Variants in TTC28 observed in about 807,000 individuals in gnomAD.
TTC28 encodes tetratricopeptide repeat domain 28, also known as tetratricopeptide repeat protein 28.
A neutral mutation model predicts 198.0 loss-of-function variants in TTC28; 61 were observed. That is an observed-to-expected ratio of 0.31 (90% CI 0.25 to 0.38). TTC28 has a LOEUF of 0.38. Among genes scored for constraint, TTC28 ranks in the 10% least tolerant of loss-of-function variants. TTC28 has a pLI of 1.00. For missense variants in TTC28, 2,678 were observed against 3,164.0 expected, an observed-to-expected ratio of 0.85 and a Z score of 3.69; for synonymous variants, 1,171 against 1,297.8, an observed-to-expected ratio of 0.90 and a Z score of 2.10.
At chr22:28,594,659 A>G (rs1353819463) in intron 2 of TTC28, among the ~76,000 whole-genome samples, 1 of 151,864 alleles carries the variant, frequency 6.6e-6, no homozygotes, top group African/African-American at 2.4e-5. Context: ...AGGTGCTCCT[A>G]TGTGTATAAC....
intron 13 of TTC28, among the ~76,000 whole-genome samples, chr22:28,015,597 A>AT (rs5844802): frequency 0.38 from 57,404 of 149,862 alleles, 11,521 homozygotes; most frequent in East Asian, 0.5. Context: ...TAATTTGTAA[A>AT]TTTTTTTTTG....
intron 12 of TTC28, among the ~76,000 whole-genome samples, chr22:28,069,156 C>G (rs1288552321): frequency 6.6e-6 from 1 of 152,152 alleles, no homozygotes; most frequent in African/African-American, 2.4e-5. Context: ...TTCTCTTCCT[C>G]AAATAAAATC....
At chr22:28,230,880 T>C (rs1320833682) in intron 5 of TTC28, among the ~76,000 whole-genome samples, 2 of 152,208 alleles carry the variant, frequency 1.3e-5, no homozygotes, top group Non-Finnish European at 1.5e-5. Context: ...CATTACTCAA[T>C]TCTGTGTGTG....
intron 2 of TTC28, among the ~76,000 whole-genome samples, chr22:28,386,440 G>A (rs998709050): frequency 1.3e-5 from 2 of 152,092 alleles, no homozygotes; most frequent in African/African-American, 4.8e-5. Context: ...TTAGTACAGT[G>A]CTGTGCAATC....
chr22:28,586,003 G>C (rs572744174), intron 2 of TTC28, among the ~76,000 whole-genome samples: 1 of 151,770 alleles, frequency 6.6e-6, no homozygotes, highest in Non-Finnish European at 1.5e-5. Context: ...AGAAGAAGCC[G>C]GGTGCGGTGG....
At chr22:28,420,286 G>T (rs1412563030) in intron 2 of TTC28, among the ~76,000 whole-genome samples, 1 of 152,084 alleles carries the variant, frequency 6.6e-6, no homozygotes, top group Non-Finnish European at 1.5e-5. Flanking sequence ...AGTAAAAAAA[G>T]AATTAGTATA....
At chr22:28,188,409 GA>G (rs1924403634) in intron 5 of TTC28, among the ~76,000 whole-genome samples, 1 of 152,140 alleles carries the variant, frequency 6.6e-6, no homozygotes, top group South Asian at 2.1e-4. Flanking sequence ...CAGGACCCTG[GA>G]AAGGAGCAGG....
intron 5 of TTC28, among the ~76,000 whole-genome samples, chr22:28,258,113 G>A (rs76778283): frequency 5.9e-5 from 9 of 152,072 alleles, no homozygotes; most frequent in African/African-American, 2.2e-4. Flanking sequence ...ATACTGAAGT[G>A]GTGAACATTA....
At chr22:28,425,098 T>C (rs2047327696) in intron 2 of TTC28, among the ~76,000 whole-genome samples, 1 of 152,238 alleles carries the variant, frequency 6.6e-6, no homozygotes, top group African/African-American at 2.4e-5. Flanking sequence ...AACACAGTTC[T>C]TTAGTTATTT....
At position 28,163,529 on chromosome 22, in the gene TTC28, G is replaced by A; in HGVS notation, c.1004C>T (p.Ala335Val). 6.4e-7 allele frequency: 1 copy of A among 1,551,702 alleles called. No individual in the cohort carries two copies. ...TAIGDYPNAL[A>V]SHKQCVLLAK... ...AAGAAGAACACACTGTTTGTGACTG[G>A]CCAGTGCATTGGGGTAGTCTCCAAT... Residue 335 changes from alanine (A) to valine (V), a missense_variant, in exon 6 of 23, where the codon GCC becomes GTC. Around this residue, in one of 8 missense-constraint regions of TTC28, gnomAD observed 775 missense variants for 845.9 expected, o/e 0.92. Coordinates refer to ENST00000397906, the MANE Select transcript of TTC28 (RefSeq NM_001145418.2).
chr22:28,404,164 G>C (rs2046962528), intron 2 of TTC28, among the ~76,000 whole-genome samples: 1 of 152,156 alleles, frequency 6.6e-6, no homozygotes, highest in Non-Finnish European at 1.5e-5. Flanking sequence ...CTGTTGCCCA[G>C]GTTGGAGTGC....
intron 12 of TTC28, among the ~76,000 whole-genome samples, chr22:28,076,782 C>T (rs1941183287): frequency 6.6e-6 from 1 of 152,128 alleles, no homozygotes; most frequent in Admixed American, 6.6e-5. Flanking sequence ...ATGTAATAAA[C>T]ATGCACTAAA....
chr22:28,049,341 G>A (rs559028305), intron 12 of TTC28, among the ~76,000 whole-genome samples: 93 of 152,228 alleles, frequency 6.1e-4, no homozygotes, highest in Non-Finnish European at 1.0e-4. Flanking sequence ...AAATAAAATC[G>A]GCACCTTTAA....
chr22:28,534,091 A>T (rs1179716921), intron 2 of TTC28, among the ~76,000 whole-genome samples: 1 of 152,260 alleles, frequency 6.6e-6, no homozygotes. Flanking sequence ...GCTTCTGCAC[A>T]GCAAAAGAAA....
intron 12 of TTC28, among the ~76,000 whole-genome samples, chr22:28,038,082 G>A (rs1204094013): frequency 6.6e-6 from 1 of 152,176 alleles, no homozygotes; most frequent in Admixed American, 6.5e-5. Context: ...TCGTGAAAAT[G>A]GCCATACTGC....
At chr22:28,283,485 T>C (rs892568425) in intron 5 of TTC28, among the ~76,000 whole-genome samples, 3 of 152,122 alleles carry the variant, frequency 2.0e-5, no homozygotes, top group Non-Finnish European at 4.4e-5. Context: ...CAGGATGATG[T>C]CATCAAAAAT....
intron 5 of TTC28, among the ~76,000 whole-genome samples, chr22:28,168,943 C>T (rs6005733): frequency 0.039 from 5,902 of 152,156 alleles, 148 homozygotes; most frequent in African/African-American, 0.052. Context: ...GGCTAATATC[C>T]AGAGTCTACA....
chr22:28,424,483 C>T (rs1391961712), intron 2 of TTC28, among the ~76,000 whole-genome samples: 1 of 152,108 alleles, frequency 6.6e-6, no homozygotes, highest in Non-Finnish European at 1.5e-5. Flanking sequence ...TATATGTTTC[C>T]TAACTATACT....
chr22:28,168,553 C>G (rs557942969), intron 5 of TTC28, among the ~76,000 whole-genome samples: 194 of 152,030 alleles, frequency 1.3e-3, no homozygotes, highest in Admixed American at 1.6e-3. Context: ...ACAAACCTGA[C>G]AAAAACAAGA....
Sources: gnomAD v4.1 joint callset for allele counts (sites outside exome capture counted in the v4.1 genomes callset) on GRCh38, gnomAD v4.1.1 for gene constraint, gnomAD v4.1.1 regional missense constraint, MANE v1.5 for transcripts, NCBI Gene and HGNC (gene_info 2026-07-23, HGNC 2026-07-21) for gene names.